The following SIK3 variants were observed in gnomAD, a reference collection of about 807,000 sequenced individuals.
The protein encoded by SIK3 is serine/threonine-protein kinase SIK3.
A neutral mutation model predicts 144.2 loss-of-function variants in SIK3; 28 were observed. That is an observed-to-expected ratio of 0.19 (90% CI 0.14 to 0.27). SIK3 has a LOEUF of 0.27. Ranked by LOEUF, SIK3 falls within the 10% of genes least tolerant of loss-of-function variation. SIK3 has a pLI of 1.00. For synonymous variants in SIK3, 686 were observed against 676.3 expected (o/e 1.01, Z -0.22); for missense variants, 1,319 against 1,776.0 (o/e 0.74, Z 4.62).
chr11:116,959,562 C>A (rs1348713919), intron 1 of SIK3, among the ~76,000 whole-genome samples: 1 of 152,168 alleles, frequency 6.6e-6, no homozygotes, highest in Non-Finnish European at 1.5e-5. Flanking sequence ...AAGCGGGTGA[C>A]CTTCAGGTTA....
At chr11:116,915,594 T>C (rs906639121) in intron 4 of SIK3, among the ~76,000 whole-genome samples, 3 of 152,192 alleles carry the variant, frequency 2.0e-5, no homozygotes, top group African/African-American at 7.2e-5. Flanking sequence ...CGGATATGTG[T>C]GTAAAAAATG....
intron 1 of SIK3, among the ~76,000 whole-genome samples, chr11:117,074,642 G>A (rs549060067): frequency 4.7e-4 from 72 of 152,186 alleles, no homozygotes; most frequent in Non-Finnish European, 1.5e-5. Context: ...ACAACTCAAG[G>A]CCAGGCGTGG....
At chr11:117,013,991 TTTTG>T (rs1951413380) in intron 1 of SIK3, among the ~76,000 whole-genome samples, 1 of 122,318 alleles carries the variant, frequency 8.2e-6, no homozygotes, top group Admixed American at 8.5e-5. Flanking sequence ...TTTTTTTTTT[TTTTG>T]AGACAGGATG....
At chr11:116,860,243 CA>C (rs199929948) in intron 19 of SIK3, among the ~76,000 whole-genome samples, 110 of 111,316 alleles carry the variant, frequency 9.9e-4, no homozygotes, top group East Asian at 1.3e-3. Context: ...GACTCCATCT[CA>C]AAAAAAAAAA....
rs562504946 is a variant in SIK3, at chr11:116,961,026, G to T, written c.274-3962C>A. ...CAGAACCAACTGGCTGCCGCCAGCT[G>T]ATGTGGGAAGAACATGGAAAGAACA... On this transcript the variant is annotated intron_variant, in intron 1 of 24. Coordinates refer to ENST00000445177, the MANE Select transcript of SIK3 (RefSeq NM_001366686.3). Among the ~76,000 whole-genome samples, 53 of 152,324 alleles carry T rather than the reference G, an allele frequency of 3.5e-4. 1 individual carries two copies. Among genetic ancestry groups the T allele is most frequent in the African/African-American group, 1.3e-3 (53 of 41,572 alleles).
At chr11:116,974,191 G>T (rs1949868349) in intron 1 of SIK3, among the ~76,000 whole-genome samples, 1 of 152,156 alleles carries the variant, frequency 6.6e-6, no homozygotes, top group Non-Finnish European at 1.5e-5. Flanking sequence ...CATCATAATG[G>T]AATGCTCTGC....
At chr11:116,869,401 T>G (rs1475043381) in intron 14 of SIK3, 1 of 152,226 alleles carries the variant, frequency 6.6e-6, no homozygotes, top group Non-Finnish European at 1.5e-5. Flanking sequence ...CTTAACTATC[T>G]TGCCCCTTTC....
chr11:116,878,461 C>T (rs1944380049), intron 6 of SIK3, among the ~76,000 whole-genome samples: 1 of 151,398 alleles, frequency 6.6e-6, no homozygotes, highest in African/African-American at 2.4e-5. Context: ...CTCACTGCAA[C>T]CTCCGCCTCC....
rs753114604 is a variant in SIK3 at position 116,846,603 on chromosome 11, G to C, written c.3953-50C>G. On this transcript the variant is annotated intron_variant, in intron 23 of 24. Coordinates refer to ENST00000445177, the MANE Select transcript of SIK3 (RefSeq NM_001366686.3). The surrounding 1 kb of genome is among the most constrained non-coding windows in gnomAD (Gnocchi z 4.1). ...AGGTTGGCAGGGAACTGGGGGACTA[G>C]GAGAGCAAGGGGGAGAGAGAGGAGG... 3.1e-6 allele frequency: 5 copies of C among 1,605,886 alleles called. No homozygotes were observed. In the Admixed American group the frequency reaches 8.4e-5, roughly 27 times the overall value.
chr11:116,873,402 T>C (rs1944064126), intron 13 of SIK3, 79 bp downstream of exon 13: 2 of 1,600,210 alleles, frequency 1.2e-6, no homozygotes, highest in Non-Finnish European at 1.7e-6. Flanking sequence ...AGGTTGGCCC[T>C]GGGTTCCCAA....
intron 1 of SIK3, among the ~76,000 whole-genome samples, chr11:117,002,570 T>C (rs533826246): frequency 1.6e-4 from 24 of 151,892 alleles, no homozygotes; most frequent in African/African-American, 5.6e-4. Flanking sequence ...ATCTGGGCAA[T>C]AGCTCCTCAT....
In SIK3 at chr11:117,047,099, T is replaced by A. The variant is rs116826378; in HGVS notation, c.273+51044A>T. Among the ~76,000 whole-genome samples, 1,094 of 152,324 alleles carry A rather than the reference T, an allele frequency of 7.2e-3. 15 individuals carry two copies. The highest frequency in any genetic ancestry group is 0.025 in the African/African-American group (1,020 of 41,578). ...ATAACTTTTATCATACTTTCCTTAA[T>A]GAAAACATGTATATTATTGTTTATT... is the stretch of plus-strand genomic sequence containing the variant. On this transcript the variant is annotated intron_variant, in intron 1 of 24. Transcript: ENST00000445177.
rs377061743 is a variant in SIK3, at chr11:116,859,394, C to T, written c.2636G>A (p.Arg879His). The T allele has an allele frequency of 8.7e-6, 14 of 1,614,086 alleles. No homozygotes were observed. Among genetic ancestry groups the T allele is most frequent in the East Asian group, 6.7e-5 (3 of 44,892 alleles). The change falls in exon 20 of 25, where the codon CGC becomes CAC. Residue 879 changes from arginine to histidine, a missense_variant. Physicochemically the swap from Arg to His is conservative, Grantham distance 29 (BLOSUM62 0). Around this residue, in one of 8 missense-constraint regions of SIK3, gnomAD observed 646 missense variants for 763.7 expected, o/e 0.85. Transcript: ENST00000445177. ...MPGTAAGSSG[R>H]GISISPSAGQ... Reference sequence around the variant, plus strand: ...AGCACTGGGGCTGATGGAGATGCCGCGCCCACTGGAGCCTGCAGCTGTGCC... The same window carrying T: ...AGCACTGGGGCTGATGGAGATGCCGTGCCCACTGGAGCCTGCAGCTGTGCC...
chr11:117,001,686 C>A (rs982513425), intron 1 of SIK3, among the ~76,000 whole-genome samples: 1 of 152,002 alleles, frequency 6.6e-6, no homozygotes, highest in Non-Finnish European at 1.5e-5. Flanking sequence ...TGCCTCCAGG[C>A]CTCAAACGAT....
chr11:116,959,212 T>C (rs958102476), intron 1 of SIK3, among the ~76,000 whole-genome samples: 49 of 152,130 alleles, frequency 3.2e-4, no homozygotes, highest in Non-Finnish European at 7.3e-5. Flanking sequence ...CATGTGTCTG[T>C]AGTCCCAGCT....
intron 1 of SIK3, among the ~76,000 whole-genome samples, chr11:117,031,889 T>A (rs1224392543): frequency 6.6e-6 from 1 of 152,028 alleles, no homozygotes; most frequent in Non-Finnish European, 1.5e-5. Flanking sequence ...TAAATGATGG[T>A]GAATGTTATA....
intron 1 of SIK3, among the ~76,000 whole-genome samples, chr11:117,004,170 A>G (rs1950956929): frequency 6.6e-6 from 1 of 152,188 alleles, no homozygotes; most frequent in Non-Finnish European, 1.5e-5. Flanking sequence ...CTGATCCTTA[A>G]GCACTGACAG....
intron 1 of SIK3, among the ~76,000 whole-genome samples, chr11:117,019,985 T>C (rs914242123): frequency 5.9e-5 from 9 of 152,032 alleles, no homozygotes; most frequent in African/African-American, 1.9e-4. Flanking sequence ...CTATTTGTAC[T>C]TGAAAGATAA....
intron 1 of SIK3, among the ~76,000 whole-genome samples, chr11:117,005,026 T>C (rs1394176419): frequency 6.6e-6 from 1 of 152,134 alleles, no homozygotes; most frequent in Non-Finnish European, 1.5e-5. Context: ...CCAGGCAGGA[T>C]TAGAACTTAA....
Sources: allele counts gnomAD v4.1 joint callset (sites outside exome capture counted in the v4.1 genomes callset), GRCh38; gene constraint gnomAD v4.1.1; regional missense constraint gnomAD v4.1.1; non-coding constraint Gnocchi (gnomAD v3.1); transcripts MANE v1.5; gene names NCBI Gene and HGNC (gene_info 2026-07-23, HGNC 2026-07-21).